The following C20orf203 variants were observed in gnomAD, a reference collection of about 807,000 sequenced individuals.
C20orf203 encodes the protein chromosome 20 open reading frame 203.
C20orf203 carries 16 observed loss-of-function variants against 15.9 expected under a neutral mutation model. The observed-to-expected ratio is 1.01, with a 90% CI of 0.68 to 1.53. C20orf203 has a LOEUF of 1.53. Ranked by LOEUF, C20orf203 falls within the 40% of genes most tolerant of loss-of-function variation. The pLI is 0.00. For missense variants in C20orf203, 263 were observed against 247.5 expected (o/e 1.06, Z -0.42); for synonymous variants, 98 against 97.2 (o/e 1.01, Z -0.05).
chr20:32,640,355 A>G (rs1982247270), intron 5 of C20orf203, among the ~76,000 whole-genome samples: 1 of 152,158 alleles, frequency 6.6e-6, no homozygotes, highest in Admixed American at 6.5e-5. Context: ...AATGGTTGCT[A>G]GCATACTCAC....
At chr20:32,647,500 TC>T (rs1982470327) in intron 4 of C20orf203, among the ~76,000 whole-genome samples, 1 of 151,948 alleles carries the variant, frequency 6.6e-6, no homozygotes, top group African/African-American at 2.4e-5. Flanking sequence ...GGCCAGGAGT[TC>T]CAAACCAGCC....
intron 1 of C20orf203, among the ~76,000 whole-genome samples, chr20:32,653,063 TG>T (rs1472709581): frequency 6.6e-6 from 1 of 152,174 alleles, no homozygotes; most frequent in Non-Finnish European, 1.5e-5. Context: ...CAGGGCACCC[TG>T]CACCCAAGCT....
At chr20:32,655,719 G>A (rs1258848109) in intron 1 of C20orf203, among the ~76,000 whole-genome samples, 5 of 152,198 alleles carry the variant, frequency 3.3e-5, no homozygotes, top group Admixed American at 3.3e-4. Flanking sequence ...CTTGAACCCA[G>A]GAGGTGGAGG....
Position 32,634,218 on chromosome 20 carries a change from G to A in C20orf203, c.*1352C>T, listed in dbSNP as rs1982077989. On this transcript the variant is annotated 3_prime_UTR_variant, in exon 6 of 6. Transcript: ENST00000608990. ...GCTTGAGTTCAGGGGTTGGGGGGAG[G>A]TTCCTAGCCTGGGGGCTCTGGAAAA... 2.5e-6 allele frequency: 1 copy of A among 398,666 alleles called. No homozygotes were observed. The allele number at this position is 398,666 out of a possible 1,614,324, so 24.7% of individuals were successfully genotyped here. A position where few individuals can be genotyped will look rare whatever the true frequency, so the allele number is the denominator to read the frequency against.
chr20:32,664,206 C>A (rs1836380798), intron 1 of C20orf203, among the ~76,000 whole-genome samples: 2 of 152,198 alleles, frequency 1.3e-5, no homozygotes, highest in African/African-American at 4.8e-5. Flanking sequence ...GGGTGCTGAT[C>A]TGCGCCTTAG....
intron 1 of C20orf203, among the ~76,000 whole-genome samples, chr20:32,655,605 C>T (rs139562608): frequency 1.3e-5 from 2 of 152,160 alleles, no homozygotes; most frequent in East Asian, 1.9e-4. Context: ...CCAACCTGGC[C>T]AACATGGAGA....
rs185084090 is a variant in C20orf203 at position 32,642,250 on chromosome 20, G to T, written c.*1178-1563C>A. Reference sequence around the variant, plus strand: ...GGTGGACACTGCACACACCCCCATGGCATATGCCCCACCGCCAGGGACATC... The same window carrying T: ...GGTGGACACTGCACACACCCCCATGTCATATGCCCCACCGCCAGGGACATC... On this transcript the variant is annotated intron_variant, in intron 4 of 5. Transcript: ENST00000608990. 2.6e-5 allele frequency among the ~76,000 whole-genome samples: 4 copies of T among 152,304 alleles called. No individual in the cohort carries two copies. The East Asian group carries it at 7.7e-4, about 29-fold the overall frequency.
At chr20:32,643,662 C>G (rs1039808775) in intron 4 of C20orf203, among the ~76,000 whole-genome samples, 2 of 149,300 alleles carry the variant, frequency 1.3e-5, no homozygotes, top group Admixed American at 6.6e-5. Flanking sequence ...CACACACACA[C>G]ACACACACAC....
At position 32,663,156 on chromosome 20, in the gene C20orf203, GCCAGGGTGGTCTTAAACT is replaced by G. The variant is rs1327534923; in HGVS notation, c.-264+10458_-264+10475del. On this transcript the variant is annotated intron_variant, in intron 1 of 5. Coordinates refer to ENST00000608990, the MANE Select transcript of C20orf203 (RefSeq NM_182584.4). Reference sequence around the variant, plus strand: ...GTAGAGACGGGGTTTCACCATGTTGGCCAGGGTGGTCTTAAACTCCTGACCTTGTGATCCACCCACCTC... The same window carrying G: ...GTAGAGACGGGGTTTCACCATGTTGGCCTGACCTTGTGATCCACCCACCTC... Among the ~76,000 whole-genome samples the G allele has an allele frequency of 2.6e-5, 4 of 151,816 alleles. No homozygotes were observed. In the East Asian group the frequency reaches 5.8e-4, roughly 22 times the overall value.
chr20:32,672,740 C>T (rs1287945905), intron 1 of C20orf203, among the ~76,000 whole-genome samples: 2 of 152,106 alleles, frequency 1.3e-5, no homozygotes, highest in East Asian at 1.9e-4. Flanking sequence ...CCTCTACCCT[C>T]CCCACTCCCT....
intron 1 of C20orf203, among the ~76,000 whole-genome samples, chr20:32,663,437 G>C (rs528620170): frequency 4.1e-4 from 63 of 152,122 alleles, no homozygotes; most frequent in Admixed American, 9.2e-4. Flanking sequence ...AATGTTGGGG[G>C]AAAGCCAGCT....
At chr20:32,668,495 G>A (rs534278216) in intron 1 of C20orf203, among the ~76,000 whole-genome samples, 9 of 152,056 alleles carry the variant, frequency 5.9e-5, no homozygotes, top group South Asian at 4.2e-4. Flanking sequence ...GCGTGGTGGC[G>A]GGTGCCTGCA....
At chr20:32,668,066 G>A (rs928518894) in intron 1 of C20orf203, among the ~76,000 whole-genome samples, 1 of 152,178 alleles carries the variant, frequency 6.6e-6, no homozygotes, top group African/African-American at 2.4e-5. Context: ...AACTAGCTGT[G>A]TGACCTTGCA....
intron 1 of C20orf203, among the ~76,000 whole-genome samples, chr20:32,654,071 T>G: frequency 1.5e-5 from 2 of 137,574 alleles, no homozygotes; most frequent in Non-Finnish European, 3.2e-5. Flanking sequence ...CCAGCCTGGG[T>G]GATGGAGCGA....
Position 32,653,064 on chromosome 20 carries a change from G to T in C20orf203, c.-263-1083C>A, listed in dbSNP as rs901737295. ...GCTCTCAGCCTCCCCAGGGCACCCT[G>T]CACCCAAGCTGGGCCAAATGATGGT... On this transcript the variant is annotated intron_variant, in intron 1 of 5. Transcript: ENST00000608990. Among the ~76,000 whole-genome samples the T allele has an allele frequency of 2.0e-5, 3 of 152,174 alleles. No individual in the cohort carries two copies. In the South Asian group the frequency reaches 6.2e-4, roughly 32 times the overall value.
At chr20:32,648,428 CTTTTTTTTTTTT>C (rs56838832) in intron 4 of C20orf203, among the ~76,000 whole-genome samples, 115 of 80,390 alleles carry the variant, frequency 1.4e-3, no homozygotes, top group African/African-American at 5.4e-3. Flanking sequence ...CTGAAACTGT[CTTTTTTTTTTTT>C]TTTTTTTTTT....
chr20:32,641,757 T>C (rs1982286904), intron 4 of C20orf203, among the ~76,000 whole-genome samples: 1 of 152,262 alleles, frequency 6.6e-6, no homozygotes, highest in African/African-American at 2.4e-5. Context: ...TGGCCATTTA[T>C]ACATCTTTTT....
chr20:32,646,175 ATTT>A (rs555458436), intron 4 of C20orf203, among the ~76,000 whole-genome samples: 13,067 of 105,930 alleles, frequency 0.12, 727 homozygotes, highest in South Asian at 0.25. Flanking sequence ...CTTGATCCCA[ATTT>A]TTTTTTTTTT....
At chr20:32,665,294 C>T (rs1367960594) in intron 1 of C20orf203, among the ~76,000 whole-genome samples, 2 of 152,208 alleles carry the variant, frequency 1.3e-5, no homozygotes, top group South Asian at 2.1e-4. Flanking sequence ...CTGCAGAATG[C>T]GGGACAGTTC....
Sources: gnomAD v4.1 joint callset for allele counts (sites outside exome capture counted in the v4.1 genomes callset) on GRCh38, gnomAD v4.1.1 for gene constraint, MANE v1.5 for transcripts, NCBI Gene and HGNC (gene_info 2026-07-23, HGNC 2026-07-21) for gene names.